Variants in FAM227B observed in about 807,000 individuals in gnomAD.
The protein encoded by FAM227B is family with sequence similarity 227 member B, also known as protein FAM227B.
FAM227B carries 88 observed loss-of-function variants against 73.8 expected under a neutral mutation model. The observed-to-expected ratio is 1.19, with a 90% confidence interval of 1.00 to 1.42. FAM227B has a LOEUF of 1.42. FAM227B is among the 40% of genes most tolerant of loss of function. The pLI is 0.00. For missense variants in FAM227B, 632 were observed against 590.9 expected (o/e 1.07, Z -0.72); for synonymous variants, 210 against 190.5 (o/e 1.10, Z -0.84).
intron 11 of FAM227B, among the ~76,000 whole-genome samples, chr15:49,505,529 GTAAC>G (rs2058515296): frequency 6.6e-6 from 1 of 152,078 alleles, no homozygotes; most frequent in Non-Finnish European, 1.5e-5. Context: ...GGGTGTATAT[GTAAC>G]TATACTGCTC....
At chr15:49,331,728 A>G in intron 15 of FAM227B, 52 bp downstream of exon 15, 1 of 1,123,648 alleles carries the variant, frequency 8.9e-7, no homozygotes, top group Admixed American at 1.7e-5. Context: ...TCCAGTCTAT[A>G]TAAAAGAAGC....
intron 11 of FAM227B, among the ~76,000 whole-genome samples, chr15:49,491,728 C>T (rs1367770601): frequency 7.5e-6 from 1 of 132,868 alleles, no homozygotes; most frequent in Non-Finnish European, 1.6e-5. Flanking sequence ...TATGCACACA[C>T]ACACACATAT....
intron 13 of FAM227B, among the ~76,000 whole-genome samples, chr15:49,351,046 G>A (rs949918082): frequency 2.0e-5 from 3 of 152,210 alleles, no homozygotes; most frequent in East Asian, 3.9e-4. Context: ...TCAACCATAC[G>A]CTGTGGTTTG....
intron 8 of FAM227B, among the ~76,000 whole-genome samples, chr15:49,570,617 T>C (rs548417082): frequency 1.1e-3 from 174 of 151,748 alleles, no homozygotes; most frequent in Non-Finnish European, 2.0e-3. Context: ...TCATCTCACC[T>C]TTCCCCATTT....
intron 11 of FAM227B, among the ~76,000 whole-genome samples, chr15:49,414,251 G>C (rs1226536056): frequency 1.3e-5 from 2 of 152,052 alleles, no homozygotes; most frequent in East Asian, 3.8e-4. Context: ...TCTGATAATT[G>C]GTTACACAAC....
intron 11 of FAM227B, among the ~76,000 whole-genome samples, chr15:49,392,909 A>C (rs1339781305): frequency 6.6e-6 from 1 of 152,124 alleles, no homozygotes; most frequent in Non-Finnish European, 1.5e-5. Context: ...GAATTGGAAG[A>C]GAGAATTTTG....
At chr15:49,563,386 A>T (rs1478298354) in intron 9 of FAM227B, among the ~76,000 whole-genome samples, 1 of 152,174 alleles carries the variant, frequency 6.6e-6, no homozygotes, top group Non-Finnish European at 1.5e-5. Flanking sequence ...GGAATGGAAG[A>T]ATCAACATTG....
chr15:49,522,889 C>T (rs1371421489), intron 10 of FAM227B, among the ~76,000 whole-genome samples: 1 of 152,108 alleles, frequency 6.6e-6, no homozygotes, highest in African/African-American at 2.4e-5. Flanking sequence ...GAAAATTTCC[C>T]TGATCTTGCT....
At chr15:49,419,758 GTTT>G in intron 11 of FAM227B, among the ~76,000 whole-genome samples, 1 of 151,886 alleles carries the variant, frequency 6.6e-6, no homozygotes, top group Non-Finnish European at 1.5e-5. Flanking sequence ...AAAAGGACAG[GTTT>G]TTTTATTATT....
At chr15:49,426,322 C>T (rs56199525) in intron 11 of FAM227B, among the ~76,000 whole-genome samples, 3,958 of 151,850 alleles carry the variant, frequency 0.026, 104 homozygotes, top group South Asian at 0.13. Flanking sequence ...TCTCACACAA[C>T]GAATGAGATG....
At chr15:49,399,499 T>C (rs1374829076) in intron 11 of FAM227B, among the ~76,000 whole-genome samples, 2 of 146,098 alleles carry the variant, frequency 1.4e-5, no homozygotes, top group East Asian at 4.0e-4. Context: ...ACTCATTTTA[T>C]GAGGCCAGCA....
At chr15:49,549,235 T>G (rs984445730) in intron 9 of FAM227B, among the ~76,000 whole-genome samples, 8 of 152,110 alleles carry the variant, frequency 5.3e-5, no homozygotes, top group African/African-American at 1.9e-4. Context: ...ATTTTTCAAA[T>G]TCTTTCTTAA....
At chr15:49,489,743 GTTCTA>G (rs2056724814) in intron 11 of FAM227B, among the ~76,000 whole-genome samples, 1 of 137,958 alleles carries the variant, frequency 7.2e-6, no homozygotes, top group African/African-American at 2.6e-5. Context: ...GGTATCCCCT[GTTCTA>G]TATATATCTA....
chr15:49,555,298 T>G (rs2073536636), intron 9 of FAM227B, among the ~76,000 whole-genome samples: 1 of 152,230 alleles, frequency 6.6e-6, no homozygotes, highest in Non-Finnish European at 1.5e-5. Context: ...GGAGCTTATT[T>G]CTCTTTCACT....
chr15:49,545,970 T>C (rs945746657), intron 9 of FAM227B, among the ~76,000 whole-genome samples: 3 of 151,452 alleles, frequency 2.0e-5, no homozygotes, highest in African/African-American at 7.3e-5. Flanking sequence ...ATTTTATTAT[T>C]ATTATACTTT....
intron 13 of FAM227B, among the ~76,000 whole-genome samples, chr15:49,354,832 A>G (rs556342613): frequency 3.3e-5 from 5 of 152,018 alleles, no homozygotes; most frequent in East Asian, 2.0e-4. Flanking sequence ...GCAGACTTAA[A>G]TGTCCCTGTC....
At chr15:49,343,646 T>G (rs2151246719) in intron 13 of FAM227B, 1 of 152,318 alleles carries the variant, frequency 6.6e-6, no homozygotes, top group Non-Finnish European at 1.5e-5. Context: ...GGGCAACTCA[T>G]TTTACTCCAG....
intron 11 of FAM227B, among the ~76,000 whole-genome samples, chr15:49,403,544 G>A (rs1236935371): frequency 6.6e-6 from 1 of 152,044 alleles, no homozygotes; most frequent in African/African-American, 2.4e-5. Flanking sequence ...TCTAGTTTAT[G>A]TGCACAGAGG....
chr15:49,351,248 T>C (rs781635952), intron 13 of FAM227B, among the ~76,000 whole-genome samples: 18 of 152,172 alleles, frequency 1.2e-4, no homozygotes, highest in South Asian at 4.1e-4. Context: ...TCAAATGTCT[T>C]CCACACAATG....
Sources: gnomAD v4.1 joint callset for allele counts (sites outside exome capture counted in the v4.1 genomes callset) on GRCh38, gnomAD v4.1.1 for gene constraint, MANE v1.5 for transcripts, NCBI Gene and HGNC (gene_info 2026-07-23, HGNC 2026-07-21) for gene names.